Variants in ARMH3 observed in about 807,000 individuals in gnomAD.
ARMH3 encodes the protein armadillo like helical domain containing 3, also known as armadillo-like helical domain-containing protein 3.
A neutral mutation model predicts 99.1 loss-of-function variants in ARMH3; 60 were observed. The observed-to-expected ratio is 0.61, with a 90% confidence interval of 0.49 to 0.75. The LOEUF (loss-of-function observed/expected upper bound fraction) is 0.75, where lower values mean the gene tolerates loss of function less well. Ranked by LOEUF, ARMH3 falls within the 30% of genes least tolerant of loss-of-function variation. The pLI, the probability that ARMH3 is intolerant of heterozygous loss-of-function variation, is 0.00. For missense variants in ARMH3, 679 were observed against 843.1 expected, an observed-to-expected ratio of 0.81 and a Z score of 2.41; for synonymous variants, 285 against 292.8, an observed-to-expected ratio of 0.97 and a Z score of 0.27.
At chr10:101,867,622 C>T (rs546577297) in intron 24 of ARMH3, among the ~76,000 whole-genome samples, 33 of 152,104 alleles carry the variant, frequency 2.2e-4, no homozygotes, top group African/African-American at 5.8e-4. Flanking sequence ...TGCTGGCATC[C>T]GGGAGTTCAA....
rs1333895983 is a variant in ARMH3 at position 102,040,082 on chromosome 10, G to T, written c.33C>A (p.Leu11=). The T allele has an allele frequency of 1.2e-6, 2 of 1,614,038 alleles. No individual in the cohort carries two copies. Among genetic ancestry groups the T allele is most frequent in the African/African-American group, 1.3e-5 (1 of 74,924 alleles). The change falls in exon 2 of 26, where the codon CTC becomes CTA. Residue 11 remains leucine (L), a synonymous_variant. Coordinates refer to ENST00000370033, the MANE Select transcript of ARMH3 (RefSeq NM_024541.3). ...GTTTTTTGGAGGCTGAAGATTTCCG[G>T]AGCAAACCTCCACGTTTCTCTACCT... MAQVEKRGGL[L]RKSSASKKPL...
intron 18 of ARMH3, 145 bp from the exon 19 acceptor site, chr10:101,990,756 T>C: frequency 3.1e-6 from 2 of 650,768 alleles, no homozygotes; most frequent in Non-Finnish European, 5.6e-6. Context: ...ACACTTATTT[T>C]ATATAACGCA....
intron 24 of ARMH3, among the ~76,000 whole-genome samples, chr10:101,859,341 A>G (rs1433294874): frequency 1.3e-5 from 2 of 152,230 alleles, no homozygotes; most frequent in Admixed American, 1.3e-4. Context: ...AGGGCCCCTG[A>G]GACAGCAGCT....
chr10:101,872,255 G>A (rs930009426), intron 24 of ARMH3, among the ~76,000 whole-genome samples: 11 of 151,386 alleles, frequency 7.3e-5, no homozygotes, highest in African/African-American at 2.7e-4. Context: ...AACAACGTGT[G>A]TGTGTGTGTG....
chr10:102,042,989 T>C (rs1258800154), intron 1 of ARMH3, among the ~76,000 whole-genome samples: 6 of 152,148 alleles, frequency 3.9e-5, no homozygotes, highest in Non-Finnish European at 8.8e-5. Flanking sequence ...GGAGAATCGC[T>C]TGAACCTGGG....
chr10:101,956,244 C>T (rs1845030387), intron 22 of ARMH3, among the ~76,000 whole-genome samples: 1 of 152,186 alleles, frequency 6.6e-6, no homozygotes, highest in Admixed American at 6.5e-5. Context: ...CCGCAAATTA[C>T]ACAATGTTCT....
At chr10:101,944,482 T>A (rs554734403) in intron 22 of ARMH3, among the ~76,000 whole-genome samples, 2 of 151,828 alleles carry the variant, frequency 1.3e-5, no homozygotes, top group East Asian at 3.9e-4. Context: ...CATGTGATAA[T>A]CATATTGTTG....
intron 24 of ARMH3, among the ~76,000 whole-genome samples, chr10:101,860,475 A>C (rs980423206): frequency 6.6e-6 from 1 of 152,170 alleles, no homozygotes; most frequent in Non-Finnish European, 1.5e-5. Context: ...GAAAACAAGG[A>C]GAACTTGAAG....
chr10:102,024,901 G>A (rs1185873286), intron 6 of ARMH3, among the ~76,000 whole-genome samples: 4 of 151,462 alleles, frequency 2.6e-5, no homozygotes, highest in African/African-American at 9.7e-5. Context: ...CAACCCAGAA[G>A]ACACTTGTTC....
At chr10:101,942,120 A>T (rs986672711) in intron 22 of ARMH3, among the ~76,000 whole-genome samples, 2 of 152,194 alleles carry the variant, frequency 1.3e-5, no homozygotes, top group Non-Finnish European at 2.9e-5. Flanking sequence ...ATTCTTTTCT[A>T]AGCTACCAAA....
intron 15 of ARMH3, among the ~76,000 whole-genome samples, chr10:101,999,809 G>A (rs1015654114): frequency 5.9e-5 from 9 of 152,132 alleles, no homozygotes; most frequent in Admixed American, 5.2e-4. Flanking sequence ...GCCAGGCCGG[G>A]CGTGGTGGCC....
At chr10:101,966,147 G>A (rs1845528007) in intron 20 of ARMH3, among the ~76,000 whole-genome samples, 1 of 145,190 alleles carries the variant, frequency 6.9e-6, no homozygotes, top group Non-Finnish European at 1.5e-5. Flanking sequence ...CTGTCACCCA[G>A]GCTGGAGTGG....
At chr10:101,982,322 G>C (rs889055811) in intron 19 of ARMH3, among the ~76,000 whole-genome samples, 3 of 151,844 alleles carry the variant, frequency 2.0e-5, no homozygotes, top group African/African-American at 7.3e-5. Flanking sequence ...GGAGGCGGAG[G>C]TTACAGTGAG....
intron 24 of ARMH3, among the ~76,000 whole-genome samples, chr10:101,879,322 T>G (rs2135401675): frequency 6.6e-6 from 1 of 152,166 alleles, no homozygotes; most frequent in Non-Finnish European, 1.5e-5. Context: ...TATAAAATGA[T>G]AAGTACATCT....
intron 23 of ARMH3, among the ~76,000 whole-genome samples, chr10:101,937,456 C>T (rs1274886409): frequency 6.6e-6 from 1 of 151,144 alleles, no homozygotes; most frequent in Non-Finnish European, 1.5e-5. Flanking sequence ...GAAGCGGAGG[C>T]TGCAGTGAGC....
At chr10:101,935,056 T>A (rs1590046896) in intron 23 of ARMH3, among the ~76,000 whole-genome samples, 2 of 151,990 alleles carry the variant, frequency 1.3e-5, no homozygotes, top group Middle Eastern at 6.8e-3. Context: ...TTTACTGTGC[T>A]GCAGTTCACC....
intron 22 of ARMH3, among the ~76,000 whole-genome samples, chr10:101,955,768 G>A (rs1213639735): frequency 6.6e-6 from 1 of 152,212 alleles, no homozygotes; most frequent in Non-Finnish European, 1.5e-5. Flanking sequence ...GGAGACATGA[G>A]AGGATTCTAA....
chr10:101,956,752 G>T (rs778284189), intron 21 of ARMH3, 29 bp from the exon 22 acceptor site: 2 of 1,609,012 alleles, frequency 1.2e-6, no homozygotes, highest in Admixed American at 1.7e-5. Flanking sequence ...CCCATATATA[G>T]GCATCAGGCT....
chr10:101,872,699 T>C (rs933876460), intron 24 of ARMH3, among the ~76,000 whole-genome samples: 3 of 152,166 alleles, frequency 2.0e-5, no homozygotes, highest in Admixed American at 6.5e-5. Context: ...GGCTCATCCC[T>C]GTAATCCCAG....
Sources: allele counts gnomAD v4.1 joint callset (sites outside exome capture counted in the v4.1 genomes callset), GRCh38; gene constraint gnomAD v4.1.1; transcripts MANE v1.5; gene names NCBI Gene and HGNC (gene_info 2026-07-23, HGNC 2026-07-21).